The following NRP2 variants were observed in gnomAD, a reference collection of about 807,000 sequenced individuals.
NRP2 encodes the protein neuropilin-2.
In NRP2, 52 loss-of-function variants were observed where a neutral mutation model predicts 110.4. The ratio of observed to expected loss-of-function variants is 0.47; its 90% CI spans 0.38 to 0.59. The LOEUF (loss-of-function observed/expected upper bound fraction) is 0.59, where lower values mean the gene tolerates loss of function less well. Ranked by LOEUF, NRP2 falls within the 20% of genes least tolerant of loss-of-function variation. The pLI, the probability that NRP2 is intolerant of heterozygous loss-of-function variation, is 0.00. For missense variants in NRP2, 1,049 were observed against 1,203.0 expected (o/e 0.87, Z 1.89); for synonymous variants, 508 against 468.9 (o/e 1.08, Z -1.08).
intron 14 of NRP2, 104 bp downstream of exon 14, chr2:205,765,674 G>A: frequency 1.0e-6 from 1 of 973,898 alleles, no homozygotes; most frequent in Non-Finnish European, 1.7e-6. Context: ...TCGTTACCCA[G>A]TGGGTGGGGC....
intron 3 of NRP2, among the ~76,000 whole-genome samples, chr2:205,721,688 G>A (rs3771038): frequency 0.1 from 15,793 of 152,230 alleles, 977 homozygotes; most frequent in African/African-American, 0.17. Context: ...CAAGAAAGCA[G>A]ACGCAAGAGC....
intron 15 of NRP2, among the ~76,000 whole-genome samples, chr2:205,771,760 G>A (rs937353191): frequency 2.0e-5 from 3 of 152,216 alleles, no homozygotes; most frequent in African/African-American, 7.2e-5. Context: ...CAAGGAATCT[G>A]CAAACTTGTT....
intron 15 of NRP2, chr2:205,776,283 C>T: frequency 6.2e-7 from 1 of 1,612,500 alleles, no homozygotes; most frequent in Non-Finnish European, 8.5e-7. Context: ...CCACAGTGGA[C>T]ACGGTGCCCA....
At chr2:205,751,664 C>T (rs563978579) in intron 11 of NRP2, among the ~76,000 whole-genome samples, 2 of 152,248 alleles carry the variant, frequency 1.3e-5, no homozygotes, top group Non-Finnish European at 2.9e-5. Flanking sequence ...CCAGCAGTGC[C>T]CTGCCCCCCA....
intron 2 of NRP2, 157 bp downstream of exon 2, chr2:205,697,878 C>T (rs970958285): frequency 1.0e-5 from 8 of 773,258 alleles, no homozygotes; most frequent in African/African-American, 3.4e-5. Flanking sequence ...GGGGCATTCC[C>T]TTTCCAGGGA....
chr2:205,708,655 T>C (rs1442938359), intron 2 of NRP2, among the ~76,000 whole-genome samples: 1 of 134,806 alleles, frequency 7.4e-6, no homozygotes, highest in Non-Finnish European at 1.7e-5. Context: ...TAGATGTTAT[T>C]TGTCGTTTCC....
Position 205,698,207 on chromosome 2 carries a change from GA to G in NRP2, c.251+496del, listed in dbSNP as rs201417718. ...TATAGCGGTAACTGGTTTTCTTATA[GA>G]AAAAAAAAAGGGTAAAAAAAAAAAA... On this transcript the variant is annotated intron_variant, in intron 2 of 16. Transcript: ENST00000357785. 3.4e-3 allele frequency among the ~76,000 whole-genome samples: 425 copies of G among 126,862 alleles called. 3 individuals are homozygous for G. The highest frequency in any genetic ancestry group is 0.011 in the African/African-American group (382 of 33,912). 83.2% of individuals were successfully genotyped at this position (126,862 alleles called of 152,430 possible).
chr2:205,787,718 CTGTGTGTG>C lies in NRP2; in HGVS notation c.2426-4487_2426-4480del, dbSNP rs60558986. On this transcript the variant is annotated intron_variant, in intron 15 of 16. Coordinates refer to ENST00000357785, the MANE Select transcript of NRP2 (RefSeq NM_003872.3). ...AGAGAGGAAAGATAAAAAAAAGTGTCTGTGTGTGTGTGTGTGTGTGTGTGTGTGTGTGT... is the reference window on the plus strand; with the variant it reads ...AGAGAGGAAAGATAAAAAAAAGTGTCTGTGTGTGTGTGTGTGTGTGTGTGT... Among the ~76,000 whole-genome samples, 564 of 144,154 alleles carry C rather than the reference CTGTGTGTG, an allele frequency of 3.9e-3. 5 individuals carry two copies. Among genetic ancestry groups the C allele is most frequent in the African/African-American group, 6.9e-3 (269 of 38,904 alleles). The allele number at this position is 144,154 out of a possible 152,430, so 94.6% of individuals were successfully genotyped here.
intron 12 of NRP2, among the ~76,000 whole-genome samples, chr2:205,758,791 G>A (rs1446363388): frequency 3.3e-5 from 5 of 152,140 alleles, no homozygotes; most frequent in African/African-American, 4.8e-5. Flanking sequence ...GTCCATTGCC[G>A]GCATCATAGC....
chr2:205,794,640 G>C, intron 16 of NRP2, 114 bp from the exon 17 acceptor site: 1 of 1,102,322 alleles, frequency 9.1e-7, no homozygotes, highest in Non-Finnish European at 1.4e-6. Flanking sequence ...TCTAATTCCA[G>C]AGCTGCTGCT....
intron 10 of NRP2, among the ~76,000 whole-genome samples, chr2:205,748,455 T>TA (rs2057580133): frequency 6.6e-6 from 1 of 152,232 alleles, no homozygotes; most frequent in Non-Finnish European, 1.5e-5. Context: ...AACTTGAACT[T>TA]ACAAATTAGG....
chr2:205,751,480 A>G (rs2057644422), intron 11 of NRP2, among the ~76,000 whole-genome samples: 1 of 151,658 alleles, frequency 6.6e-6, no homozygotes, highest in African/African-American at 2.4e-5. Context: ...AGGGGTGGTA[A>G]AGGCTAAGGG....
intron 15 of NRP2, among the ~76,000 whole-genome samples, chr2:205,781,117 C>T (rs574135852): frequency 6.6e-6 from 1 of 152,350 alleles, no homozygotes; most frequent in Admixed American, 6.5e-5. Flanking sequence ...ACTAAATTAG[C>T]CATCACTTAT....
intron 15 of NRP2, chr2:205,777,230 A>ATCCC: frequency 4.9e-6 from 4 of 820,416 alleles, no homozygotes; most frequent in South Asian, 5.5e-5. Flanking sequence ...CATGGGATGC[A>ATCCC]GTGTGGCTTC....
chr2:205,761,811 T>A (rs1429957198), intron 12 of NRP2: 1 of 152,230 alleles, frequency 6.6e-6, no homozygotes, highest in African/African-American at 2.4e-5. Flanking sequence ...CTTGGACAAA[T>A]CACTTTAACC....
At chr2:205,707,309 C>T (rs1481944636) in intron 2 of NRP2, among the ~76,000 whole-genome samples, 1 of 152,256 alleles carries the variant, frequency 6.6e-6, no homozygotes, top group Admixed American at 6.5e-5. Context: ...TGACTGGCCC[C>T]TGAGTGCTAG....
At chr2:205,780,373 A>C (rs1422141206) in intron 15 of NRP2, among the ~76,000 whole-genome samples, 1 of 152,208 alleles carries the variant, frequency 6.6e-6, no homozygotes, top group Non-Finnish European at 1.5e-5. Flanking sequence ...CACTTGGGGA[A>C]ACTTACTCAG....
rs572883781 is a variant in NRP2 at position 205,757,637 on chromosome 2, G to A, written c.2044+4662G>A. Among the ~76,000 whole-genome samples, 31 of 152,328 alleles carry A rather than the reference G, an allele frequency of 2.0e-4. No homozygotes were observed. The South Asian group carries it at 6.2e-3, about 31-fold the overall frequency. ...GCAGCAAACAATCCATTGAATTGCT[G>A]TTAGATTGAACTGTCTTCAGAAAGA... On this transcript the variant is annotated intron_variant, in intron 12 of 16. Coordinates refer to ENST00000357785, the MANE Select transcript of NRP2 (RefSeq NM_003872.3).
At chr2:205,722,172 T>TACACGC in intron 3 of NRP2, 2 of 278,112 alleles carry the variant, frequency 7.2e-6, no homozygotes, top group Non-Finnish European at 1.4e-5. Flanking sequence ...CTCTCTCTCA[T>TACACGC]ACACACACAC....
Sources: gnomAD v4.1 joint callset for allele counts (sites outside exome capture counted in the v4.1 genomes callset) on GRCh38, gnomAD v4.1.1 for gene constraint, MANE v1.5 for transcripts, NCBI Gene and HGNC (gene_info 2026-07-23, HGNC 2026-07-21) for gene names.